The following ARHGEF7 variants were observed in gnomAD, a reference collection of about 807,000 sequenced individuals.
ARHGEF7 encodes Rho guanine nucleotide exchange factor 7.
Under a neutral mutation model 109.8 loss-of-function variants are expected in ARHGEF7, and 33 were observed. The ratio of observed to expected loss-of-function variants is 0.30; its 90% confidence interval spans 0.23 to 0.40. ARHGEF7 has a LOEUF of 0.40. Ranked by LOEUF, ARHGEF7 falls within the 10% of genes least tolerant of loss-of-function variation. The probability of loss-of-function intolerance (pLI) is 1.00; values close to 1 mark genes in which losing one functional copy is unlikely to be tolerated. For synonymous variants in ARHGEF7, 458 were observed against 424.6 expected, an observed-to-expected ratio of 1.08 and a Z score of -0.97; for missense variants, 938 against 1,098.5, an observed-to-expected ratio of 0.85 and a Z score of 2.07.
At chr13:111,205,483 A>G (rs2081712256) in intron 3 of ARHGEF7, 110 bp downstream of exon 3, 2 of 684,482 alleles carry the variant, frequency 2.9e-6, no homozygotes, top group Non-Finnish European at 4.8e-6. Context: ...TTAAAAAATA[A>G]GCTTTTGTTG....
At chr13:111,120,685 A>G (rs575936722) in intron 1 of ARHGEF7, among the ~76,000 whole-genome samples, 7 of 152,170 alleles carry the variant, frequency 4.6e-5, no homozygotes, top group Non-Finnish European at 1.0e-4. Flanking sequence ...TCACTCCAGA[A>G]TCTGCCTGCT....
chr13:111,255,603 G>C lies in ARHGEF7; in HGVS notation c.950+11309G>C, dbSNP rs1417878387. 1.3e-5 allele frequency among the ~76,000 whole-genome samples: 2 copies of C among 152,246 alleles called. No homozygotes were observed. The highest frequency in any genetic ancestry group is 2.9e-5 in the Non-Finnish European group (2 of 68,034). Reference sequence around the variant, plus strand: ...CTGTGCACCATTTATAACTTCAGTTGTGAAAATGTAACTTCGCACTGGCTT... The same window carrying C: ...CTGTGCACCATTTATAACTTCAGTTCTGAAAATGTAACTTCGCACTGGCTT... On this transcript the variant is annotated intron_variant, in intron 8 of 21. Coordinates refer to ENST00000646102, the MANE Select transcript of ARHGEF7 (RefSeq NM_001354046.2). The surrounding 1 kb of genome is among the most constrained non-coding windows in gnomAD (Gnocchi z 4.1).
chr13:111,298,304 A>G (rs1375916571), intron 19 of ARHGEF7, among the ~76,000 whole-genome samples: 1 of 152,252 alleles, frequency 6.6e-6, no homozygotes, highest in African/African-American at 2.4e-5. Context: ...TTGTATTTGT[A>G]TGAGAAACAC....
chr13:111,114,979 G>A (rs2066642012), upstream of ARHGEF7: 2 of 152,048 alleles, frequency 1.3e-5, no homozygotes, highest in African/African-American at 4.8e-5. Context: ...TCATTTCAAC[G>A]CTCACGAATT....
chr13:111,143,183 G>A (rs2075430321), intron 1 of ARHGEF7, among the ~76,000 whole-genome samples: 1 of 152,182 alleles, frequency 6.6e-6, no homozygotes, highest in Non-Finnish European at 1.5e-5. Flanking sequence ...AAGGTGCCTT[G>A]GTCAAGAATA....
intron 8 of ARHGEF7, among the ~76,000 whole-genome samples, chr13:111,265,016 C>G (rs1001295204): frequency 3.4e-5 from 5 of 149,188 alleles, no homozygotes; most frequent in African/African-American, 1.2e-4. Flanking sequence ...CCCAGCTACT[C>G]GGGAGGCTGA....
intron 2 of ARHGEF7, among the ~76,000 whole-genome samples, chr13:111,195,196 T>G (rs2080348724): frequency 6.6e-6 from 1 of 152,184 alleles, no homozygotes; most frequent in African/African-American, 2.4e-5. Flanking sequence ...TGGGTGGGCA[T>G]TTTTTGCCCT....
chr13:111,154,626 C>G (rs2076160399), intron 2 of ARHGEF7, among the ~76,000 whole-genome samples: 1 of 152,178 alleles, frequency 6.6e-6, no homozygotes, highest in Non-Finnish European at 1.5e-5. Flanking sequence ...GGCGGGGTCT[C>G]GATTCCCTGT....
At chr13:111,183,215 A>G (rs940064941) in intron 2 of ARHGEF7, among the ~76,000 whole-genome samples, 15 of 152,216 alleles carry the variant, frequency 9.9e-5, no homozygotes, top group African/African-American at 3.6e-4. Context: ...TACTCGTGCT[A>G]GCAAGTTTTG....
At chr13:111,176,397 C>A (rs1296303741) in intron 2 of ARHGEF7, among the ~76,000 whole-genome samples, 1 of 152,234 alleles carries the variant, frequency 6.6e-6, no homozygotes, top group Non-Finnish European at 1.5e-5. Flanking sequence ...TGCCTCTCCC[C>A]CTCTGGCATC....
intron 6 of ARHGEF7, among the ~76,000 whole-genome samples, chr13:111,236,090 T>G (rs1367722541): frequency 6.6e-6 from 1 of 152,220 alleles, no homozygotes; most frequent in Non-Finnish European, 1.5e-5. Flanking sequence ...AAAAAGACAC[T>G]GGAAAGTAAA....
At chr13:111,221,444 TCTATATATATAGATATATAGAC>T (rs1280303513) in intron 5 of ARHGEF7, among the ~76,000 whole-genome samples, 1 of 84,694 alleles carries the variant, frequency 1.2e-5, no homozygotes, top group Non-Finnish European at 2.1e-5. Flanking sequence ...GATATATATA[TCTATATATATAGATATATAGAC>T]ATCTATATAT....
intron 9 of ARHGEF7, among the ~76,000 whole-genome samples, chr13:111,268,009 C>T (rs572487212): frequency 2.0e-5 from 3 of 152,284 alleles, no homozygotes; most frequent in Admixed American, 6.5e-5. Context: ...GTACATGAGT[C>T]CGAGTTACAT....
chr13:111,288,684 A>G (rs1484537940), intron 18 of ARHGEF7, among the ~76,000 whole-genome samples: 2 of 152,222 alleles, frequency 1.3e-5, no homozygotes, highest in Non-Finnish European at 2.9e-5. Flanking sequence ...ATAAAATTAT[A>G]CTAGGAAATA....
At chr13:111,170,131 T>C (rs1409814435) in intron 2 of ARHGEF7, among the ~76,000 whole-genome samples, 1 of 152,244 alleles carries the variant, frequency 6.6e-6, no homozygotes, top group Non-Finnish European at 1.5e-5. Context: ...AGAGTCTTGC[T>C]CTGTTCTCCC....
At chr13:111,225,259 T>G (rs1201240773) in intron 5 of ARHGEF7, among the ~76,000 whole-genome samples, 1 of 152,186 alleles carries the variant, frequency 6.6e-6, no homozygotes, top group Non-Finnish European at 1.5e-5. Flanking sequence ...AAAAGTTTTA[T>G]TTGCATTTAT....
At chr13:111,231,228 A>G (rs2086005395) in intron 5 of ARHGEF7, among the ~76,000 whole-genome samples, 1 of 152,230 alleles carries the variant, frequency 6.6e-6, no homozygotes. Flanking sequence ...CTCAGATGAA[A>G]ACATTTCATA....
chr13:111,122,935 C>T (rs1426447655), intron 1 of ARHGEF7, among the ~76,000 whole-genome samples: 1 of 152,174 alleles, frequency 6.6e-6, no homozygotes, highest in Non-Finnish European at 1.5e-5. Flanking sequence ...GGCTCCAAGG[C>T]CTGTGCTGGG....
At chr13:111,130,318 T>G (rs1375298303) in intron 1 of ARHGEF7, among the ~76,000 whole-genome samples, 1 of 152,176 alleles carries the variant, frequency 6.6e-6, no homozygotes, top group African/African-American at 2.4e-5. Context: ...AGTGCACAGT[T>G]TACATATGAG....
Sources: allele counts gnomAD v4.1 joint callset (sites outside exome capture counted in the v4.1 genomes callset), GRCh38; gene constraint gnomAD v4.1.1; non-coding constraint Gnocchi (gnomAD v3.1); transcripts MANE v1.5; gene names NCBI Gene and HGNC (gene_info 2026-07-23, HGNC 2026-07-21).